The following IMMP2L variants were observed in gnomAD, a reference collection of about 807,000 sequenced individuals.
The protein encoded by IMMP2L is inner mitochondrial membrane peptidase subunit 2, also known as mitochondrial inner membrane protease subunit 2.
A neutral mutation model predicts 19.3 loss-of-function variants in IMMP2L; 18 were observed. That is an observed-to-expected ratio of 0.93 (90% CI 0.64 to 1.38). IMMP2L has a LOEUF of 1.38. Among genes scored for constraint, IMMP2L ranks in the 40% most tolerant of loss-of-function variants. The pLI is 0.00. For missense variants in IMMP2L, 233 were observed against 218.2 expected, an observed-to-expected ratio of 1.07 and a Z score of -0.43; for synonymous variants, 76 against 73.0, an observed-to-expected ratio of 1.04 and a Z score of -0.21.
intron 3 of IMMP2L, among the ~76,000 whole-genome samples, chr7:111,348,381 T>G (rs1354016531): frequency 6.6e-6 from 1 of 152,156 alleles, no homozygotes; most frequent in Non-Finnish European, 1.5e-5. Flanking sequence ...TCTTCATAAA[T>G]ACGTCTCTCC....
At chr7:111,258,014 A>T (rs1816914811) in intron 3 of IMMP2L, among the ~76,000 whole-genome samples, 1 of 151,772 alleles carries the variant, frequency 6.6e-6, no homozygotes, top group Non-Finnish European at 1.5e-5. Flanking sequence ...TCCACTTATG[A>T]GTGAGAACAC....
At chr7:111,503,986 G>C (rs1231144719) in intron 2 of IMMP2L, among the ~76,000 whole-genome samples, 8 of 152,062 alleles carry the variant, frequency 5.3e-5, no homozygotes, top group Admixed American at 2.0e-4. Context: ...TCAGGCAGGA[G>C]AAGGAAATAA....
chr7:111,387,524 A>T (rs1457921060), intron 3 of IMMP2L, among the ~76,000 whole-genome samples: 4 of 152,258 alleles, frequency 2.6e-5, no homozygotes, highest in South Asian at 4.2e-4. Context: ...AACCAAAGAA[A>T]AACCTGCCTT....
intron 3 of IMMP2L, among the ~76,000 whole-genome samples, chr7:111,099,301 T>C (rs564718256): frequency 6.6e-6 from 1 of 151,710 alleles, no homozygotes; most frequent in Non-Finnish European, 1.5e-5. Flanking sequence ...ATGCATTCTC[T>C]TTTAAATGAT....
intron 5 of IMMP2L, among the ~76,000 whole-genome samples, chr7:110,722,147 C>T (rs1795614454): frequency 6.6e-6 from 1 of 151,768 alleles, no homozygotes; most frequent in Non-Finnish European, 1.5e-5. Flanking sequence ...ATTTGGAAAA[C>T]ATAAGGACAA....
chr7:111,389,497 G>C (rs1438865204), intron 3 of IMMP2L, among the ~76,000 whole-genome samples: 1 of 151,808 alleles, frequency 6.6e-6, no homozygotes, highest in Non-Finnish European at 1.5e-5. Flanking sequence ...AGTACTAAGG[G>C]AGTACTGGGG....
At chr7:111,440,834 T>C (rs1282462192) in intron 3 of IMMP2L, among the ~76,000 whole-genome samples, 1 of 151,936 alleles carries the variant, frequency 6.6e-6, no homozygotes, top group African/African-American at 2.4e-5. Context: ...CTGTGTAGTG[T>C]AGGCGCCTTT....
At chr7:110,761,390 A>G (rs747838523) in intron 5 of IMMP2L, among the ~76,000 whole-genome samples, 4 of 152,070 alleles carry the variant, frequency 2.6e-5, no homozygotes, top group Non-Finnish European at 5.9e-5. Flanking sequence ...ATCAACCTAG[A>G]TTCGATATAG....
chr7:111,562,079 T>C lies in IMMP2L; in HGVS notation c.-231A>G, dbSNP rs973176800. The stretch of plus-strand genomic sequence containing the variant: ...AGCCGGGGGCCGGACTAGGCCCCTT[T>C]GTGAGGACTGGGAGAGGGCGCGTTG... On this transcript the variant is annotated 5_prime_UTR_variant, in exon 1 of 6. Coordinates refer to ENST00000405709, the MANE Select transcript of IMMP2L (RefSeq NM_032549.4). 1 of 152,208 alleles carries C rather than the reference T, an allele frequency of 6.6e-6. No homozygotes were observed. The highest frequency in any genetic ancestry group is 1.5e-5 in the Non-Finnish European group (1 of 68,104). The allele number at this position is 152,208 out of a possible 1,614,324, so 9.4% of individuals were successfully genotyped here. A position where few individuals can be genotyped will look rare whatever the true frequency, so the allele number is the denominator to read the frequency against.
At chr7:110,909,243 C>T (rs1185358532) in intron 4 of IMMP2L, among the ~76,000 whole-genome samples, 1 of 152,078 alleles carries the variant, frequency 6.6e-6, no homozygotes, top group African/African-American at 2.4e-5. Flanking sequence ...CTGTACTTTG[C>T]TGGAAGAACA....
At chr7:110,925,214 C>T (rs975485033) in intron 4 of IMMP2L, among the ~76,000 whole-genome samples, 4 of 151,880 alleles carry the variant, frequency 2.6e-5, no homozygotes, top group African/African-American at 9.7e-5. Context: ...GTTGAGTGAA[C>T]AGAAAATAAA....
Position 110,753,751 on chromosome 7 carries a change from GGGGT to G in IMMP2L, c.409-90034_409-90031del, listed in dbSNP as rs757854375. Among the ~76,000 whole-genome samples, 381 of 86,900 alleles carry G rather than the reference GGGGT, an allele frequency of 4.4e-3. 1 individual carries two copies. Among genetic ancestry groups the G allele is most frequent in the Middle Eastern group, 0.011 (2 of 178 alleles). The allele number at this position is 86,900 out of a possible 152,430, so 57.0% of individuals were successfully genotyped here. On this transcript the variant is annotated intron_variant, in intron 5 of 5. Transcript: ENST00000405709. The stretch of plus-strand genomic sequence containing the variant: ...CATTTGAAAGTGTGTGTGTGAGTGT[GGGGT>G]GTGTGTGTGTGTGTGTGTGTGTGTG...
At chr7:111,065,762 G>A (rs961159045) in intron 3 of IMMP2L, among the ~76,000 whole-genome samples, 1 of 152,116 alleles carries the variant, frequency 6.6e-6, no homozygotes, top group African/African-American at 2.4e-5. Flanking sequence ...TTCAGCTTTG[G>A]GACTTGGACT....
chr7:110,885,070 G>T (rs1051692940), intron 5 of IMMP2L, among the ~76,000 whole-genome samples: 54 of 151,676 alleles, frequency 3.6e-4, no homozygotes, highest in African/African-American at 1.3e-3. Context: ...AAACTATATG[G>T]ATAAAATTTT....
chr7:111,495,493 C>G (rs1033369408), intron 2 of IMMP2L, among the ~76,000 whole-genome samples: 8 of 152,142 alleles, frequency 5.3e-5, no homozygotes, highest in African/African-American at 1.9e-4. Context: ...TGATCAAAGA[C>G]TATGCTGAAG....
chr7:111,109,737 T>A (rs2129582687), intron 3 of IMMP2L, among the ~76,000 whole-genome samples: 2 of 152,304 alleles, frequency 1.3e-5, no homozygotes, highest in South Asian at 4.1e-4. Context: ...TTGAACTGAA[T>A]TTGTACATTG....
chr7:110,908,014 A>G (rs1812653724), intron 4 of IMMP2L, among the ~76,000 whole-genome samples: 1 of 152,176 alleles, frequency 6.6e-6, no homozygotes, highest in Non-Finnish European at 1.5e-5. Context: ...GGAGGAGTTA[A>G]AGACATTCAT....
intron 3 of IMMP2L, among the ~76,000 whole-genome samples, chr7:111,362,131 C>G (rs1302387841): frequency 6.6e-6 from 1 of 151,920 alleles, no homozygotes; most frequent in African/African-American, 2.4e-5. Context: ...TATACACCAG[C>G]AACCATTTTA....
At chr7:110,735,177 G>A (rs73192821) in intron 5 of IMMP2L, among the ~76,000 whole-genome samples, 3,798 of 152,224 alleles carry the variant, frequency 0.025, 50 homozygotes, top group Middle Eastern at 0.068. Context: ...GCAAAATGGA[G>A]TAACTCAAGC....
Sources: allele counts gnomAD v4.1 joint callset (sites outside exome capture counted in the v4.1 genomes callset), GRCh38; gene constraint gnomAD v4.1.1; transcripts MANE v1.5; gene names NCBI Gene and HGNC (gene_info 2026-07-23, HGNC 2026-07-21).